Variants in ERBB4 observed in about 807,000 individuals in gnomAD.
The protein encoded by ERBB4 is erb-b2 receptor tyrosine kinase 4.
Under a neutral mutation model 158.0 loss-of-function variants are expected in ERBB4, and 42 were observed. The observed-to-expected ratio is 0.27, with a 90% CI of 0.21 to 0.34. The LOEUF (loss-of-function observed/expected upper bound fraction) is 0.34. Among genes scored for constraint, ERBB4 ranks in the 10% least tolerant of loss-of-function variants. The probability of loss-of-function intolerance (pLI) is 1.00; values close to 1 mark genes in which losing one functional copy is unlikely to be tolerated. For missense variants in ERBB4, 1,333 were observed against 1,624.1 expected, an observed-to-expected ratio of 0.82 and a Z score of 3.08; for synonymous variants, 583 against 558.7, an observed-to-expected ratio of 1.04 and a Z score of -0.61.
intron 1 of ERBB4, among the ~76,000 whole-genome samples, chr2:212,317,179 T>TC (rs1168705409): frequency 1.3e-5 from 2 of 151,510 alleles, no homozygotes; most frequent in Non-Finnish European, 3.0e-5. Context: ...GATTTTTTTT[T>TC]CCAACTAATA....
intron 22 of ERBB4, among the ~76,000 whole-genome samples, chr2:211,425,687 C>G (rs1415028522): frequency 6.6e-6 from 1 of 151,586 alleles, no homozygotes; most frequent in African/African-American, 2.4e-5. Context: ...TTAGAATTAT[C>G]TATTTTGTAT....
At chr2:212,267,263 A>G (rs75051161) in intron 1 of ERBB4, among the ~76,000 whole-genome samples, 15,827 of 152,038 alleles carry the variant, frequency 0.1, 907 homozygotes, top group African/African-American at 0.16. Flanking sequence ...AGAATTATCA[A>G]TAGAAAGAAA....
At chr2:212,422,221 G>A (rs2091808590) in intron 1 of ERBB4, among the ~76,000 whole-genome samples, 2 of 152,088 alleles carry the variant, frequency 1.3e-5, no homozygotes, top group East Asian at 1.9e-4. Context: ...AAACAACAGG[G>A]AAGCCTGGGA....
At chr2:212,454,126 A>G (rs2106034988) in intron 1 of ERBB4, among the ~76,000 whole-genome samples, 1 of 151,686 alleles carries the variant, frequency 6.6e-6, no homozygotes, top group South Asian at 2.1e-4. Context: ...TTTTTAGTAG[A>G]GATGGGGTTT....
intron 1 of ERBB4, among the ~76,000 whole-genome samples, chr2:212,346,976 G>T (rs2089032506): frequency 6.6e-6 from 1 of 152,032 alleles, no homozygotes; most frequent in Non-Finnish European, 1.5e-5. Flanking sequence ...AAAACCATGT[G>T]GTTTCTGATA....
At chr2:212,064,997 G>C (rs1222741400) in intron 2 of ERBB4, among the ~76,000 whole-genome samples, 1 of 143,848 alleles carries the variant, frequency 7.0e-6, no homozygotes, top group East Asian at 2.1e-4. Context: ...TGGTGTGTGT[G>C]TGTGTGTGTG....
intron 1 of ERBB4, among the ~76,000 whole-genome samples, chr2:212,454,481 A>G (rs896050021): frequency 1.5e-4 from 23 of 152,352 alleles, no homozygotes; most frequent in Middle Eastern, 3.4e-3. Flanking sequence ...GTATTTATGC[A>G]TAAACCACAG....
At chr2:212,373,796 T>TA (rs1481262449) in intron 1 of ERBB4, among the ~76,000 whole-genome samples, 1 of 126,164 alleles carries the variant, frequency 7.9e-6, no homozygotes, top group Non-Finnish European at 1.7e-5. Context: ...CACGTATATA[T>TA]ATCCATATAT....
intron 18 of ERBB4, among the ~76,000 whole-genome samples, chr2:211,622,613 C>T (rs2069646566): frequency 6.6e-6 from 1 of 151,558 alleles, no homozygotes; most frequent in Admixed American, 6.6e-5. Flanking sequence ...TTTCTAAGAT[C>T]CAATTAACTT....
At chr2:211,981,624 G>A (rs1377188224) in intron 2 of ERBB4, among the ~76,000 whole-genome samples, 1 of 152,092 alleles carries the variant, frequency 6.6e-6, no homozygotes, top group East Asian at 1.9e-4. Flanking sequence ...GTATGAAATG[G>A]CCTCCCTTAC....
chr2:212,006,405 T>C (rs1470306393), intron 2 of ERBB4, among the ~76,000 whole-genome samples: 1 of 152,138 alleles, frequency 6.6e-6, no homozygotes, highest in Non-Finnish European at 1.5e-5. Flanking sequence ...TTCTTAAATA[T>C]GAACTAATGT....
At chr2:212,068,116 G>A (rs997759709) in intron 2 of ERBB4, among the ~76,000 whole-genome samples, 1 of 152,000 alleles carries the variant, frequency 6.6e-6, no homozygotes, top group Non-Finnish European at 1.5e-5. Context: ...TCCCATGATA[G>A]TCACAGTAGT....
intron 1 of ERBB4, among the ~76,000 whole-genome samples, chr2:212,508,240 T>A (rs1303374390): frequency 6.6e-6 from 1 of 152,146 alleles, no homozygotes; most frequent in Non-Finnish European, 1.5e-5. Flanking sequence ...GGGGAAAAAA[T>A]TGTTGACTTG....
intron 7 of ERBB4, among the ~76,000 whole-genome samples, chr2:211,717,990 C>A (rs2073976937): frequency 2.0e-5 from 3 of 152,092 alleles, no homozygotes; most frequent in African/African-American, 7.2e-5. Context: ...CTCACTGCAA[C>A]CTCTGCCTCC....
intron 1 of ERBB4, among the ~76,000 whole-genome samples, chr2:212,463,952 C>A (rs1373863298): frequency 6.6e-6 from 1 of 151,958 alleles, no homozygotes; most frequent in African/African-American, 2.4e-5. Context: ...CAATTTCCTA[C>A]CTGCTCTTAC....
In ERBB4 at chr2:211,383,900, G is replaced by T. The variant is rs752552949; in HGVS notation, c.3642C>A (p.Asn1214Lys). The T allele has an allele frequency of 6.2e-7, 1 of 1,614,108 alleles. No individual in the cohort carries two copies. The highest frequency in any genetic ancestry group is 1.1e-5 in the South Asian group (1 of 91,074). Residue 1214 changes from asparagine (N) to lysine (K), a missense_variant, in exon 28 of 28, where the codon AAC becomes AAA. Coordinates refer to ENST00000342788, the MANE Select transcript of ERBB4 (RefSeq NM_005235.3). Reference sequence around the variant, plus strand: ...TCAGGTACTCAGCTTTTCCCAAGGTGTTGGCAAAGGTGTTGAGGTACAGTG... The same window carrying T: ...TCAGGTACTCAGCTTTTCCCAAGGTTTTGGCAAAGGTGTTGAGGTACAGTG... ...NEPLYLNTFA[N>K]TLGKAEYLKN...
At chr2:212,190,325 A>G (rs2082148448) in intron 1 of ERBB4, among the ~76,000 whole-genome samples, 1 of 152,184 alleles carries the variant, frequency 6.6e-6, no homozygotes, top group African/African-American at 2.4e-5. Flanking sequence ...TCACGAGGTC[A>G]GGAGATCCAG....
At chr2:212,057,612 C>G (rs1176964860) in intron 2 of ERBB4, among the ~76,000 whole-genome samples, 2 of 152,170 alleles carry the variant, frequency 1.3e-5, no homozygotes, top group Non-Finnish European at 2.9e-5. Flanking sequence ...AACTAGAACT[C>G]AGGATTAAGA....
intron 2 of ERBB4, among the ~76,000 whole-genome samples, chr2:211,956,645 T>A (rs1466982439): frequency 6.6e-6 from 1 of 152,042 alleles, no homozygotes; most frequent in African/African-American, 2.4e-5. Context: ...TTATAATTAG[T>A]GCAATTATGC....
Sources: allele counts gnomAD v4.1 joint callset (sites outside exome capture counted in the v4.1 genomes callset), GRCh38; gene constraint gnomAD v4.1.1; transcripts MANE v1.5; gene names NCBI Gene and HGNC (gene_info 2026-07-23, HGNC 2026-07-21).